The following AFF3 variants were observed in gnomAD, a reference collection of about 807,000 sequenced individuals.
AFF3 encodes the protein ALF transcription elongation factor 3.
AFF3 carries 32 observed loss-of-function variants against 129.7 expected under a neutral mutation model. That is an observed-to-expected ratio of 0.25 (90% CI 0.19 to 0.33). The LOEUF (loss-of-function observed/expected upper bound fraction) is 0.33. Among genes scored for constraint, AFF3 ranks in the 10% least tolerant of loss-of-function variants. The probability of loss-of-function intolerance (pLI) is 1.00; values close to 1 mark genes in which losing one functional copy is unlikely to be tolerated. For missense variants in AFF3, 1,373 were observed against 1,592.0 expected (o/e 0.86, Z 2.34); for synonymous variants, 644 against 635.4 (o/e 1.01, Z -0.20).
At chr2:99,878,552 G>A (rs1692469443) in intron 7 of AFF3, among the ~76,000 whole-genome samples, 1 of 152,118 alleles carries the variant, frequency 6.6e-6, no homozygotes. Context: ...AAAATTTCAG[G>A]TTTCTGCCAG....
At position 99,647,521 on chromosome 2, in the gene AFF3, C is replaced by T. The variant is rs187488747; in HGVS notation, c.1184+2105G>A. Reference sequence around the variant, plus strand: ...GGAGGGATAACATCAAGAAGAACAGCTAATAGATGCTGGGCTTAATACCTA... The same window carrying T: ...GGAGGGATAACATCAAGAAGAACAGTTAATAGATGCTGGGCTTAATACCTA... On this transcript the variant is annotated intron_variant, in intron 13 of 24. Transcript: ENST00000672756. 2.3e-3 allele frequency among the ~76,000 whole-genome samples: 348 copies of T among 152,230 alleles called. 1 individual carries two copies. Among genetic ancestry groups the T allele is most frequent in the Non-Finnish European group, 3.6e-3 (246 of 68,010 alleles).
chr2:99,586,649 C>T (rs896717279), intron 16 of AFF3, among the ~76,000 whole-genome samples: 9 of 152,136 alleles, frequency 5.9e-5, no homozygotes, highest in Non-Finnish European at 1.3e-4. Flanking sequence ...GTGCTGGATG[C>T]GTCCATCTGG....
At chr2:100,117,153 T>TTATCTAAGTTTGATAGCTTCA (rs1409864907) in intron 2 of AFF3, among the ~76,000 whole-genome samples, 13 of 152,316 alleles carry the variant, frequency 8.5e-5, no homozygotes, top group African/African-American at 3.1e-4. Flanking sequence ...ATAGGGCTTC[T>TTATCTAAGTTTGATAGCTTCA]TATCTAAGTT....
intron 22 of AFF3, among the ~76,000 whole-genome samples, chr2:99,555,220 C>T (rs550985991): frequency 8.5e-5 from 13 of 152,228 alleles, no homozygotes; most frequent in African/African-American, 2.9e-4. Flanking sequence ...CTTACTTTTT[C>T]ATTGTAAATT....
At chr2:99,853,637 T>C (rs909187198) in intron 7 of AFF3, among the ~76,000 whole-genome samples, 1 of 152,210 alleles carries the variant, frequency 6.6e-6, no homozygotes, top group Non-Finnish European at 1.5e-5. Context: ...GCTGTTATTA[T>C]CTACATTTTC....
rs975575541 is a variant in AFF3 at position 99,551,203 on chromosome 2, C to T, written c.*271G>A. ...GTGTGTACTTCCTCTAGTCAGAAAC[C>T]TCTGATCACTTTGTCTAGCCTGGGA... On this transcript the variant is annotated 3_prime_UTR_variant, in exon 25 of 25. Coordinates refer to ENST00000672756, the MANE Select transcript of AFF3 (RefSeq NM_001386135.1). The T allele has an allele frequency of 3.7e-6, 2 of 543,418 alleles. No homozygotes were observed. Among genetic ancestry groups the T allele is most frequent in the African/African-American group, 1.9e-5 (1 of 53,232 alleles). 33.7% of individuals were successfully genotyped at this position (543,418 alleles called of 1,614,324 possible). A position where few individuals can be genotyped will look rare whatever the true frequency, so the allele number is the denominator to read the frequency against.
intron 8 of AFF3, among the ~76,000 whole-genome samples, chr2:99,803,327 G>T (rs77634987): frequency 0.026 from 3,916 of 152,176 alleles, 78 homozygotes; most frequent in South Asian, 0.037. Context: ...GTTGGATTCT[G>T]TTTGGTAGTA....
chr2:100,136,573 G>C (rs1032277990), intron 1 of AFF3, among the ~76,000 whole-genome samples: 6 of 152,202 alleles, frequency 3.9e-5, no homozygotes, highest in African/African-American at 1.4e-4. Flanking sequence ...GGGAGTGTGT[G>C]TGCACTTTCA....
intron 12 of AFF3, among the ~76,000 whole-genome samples, chr2:99,657,815 T>C (rs180905345): frequency 4.3e-4 from 65 of 152,354 alleles, no homozygotes; most frequent in South Asian, 2.9e-3. Flanking sequence ...GGGTTGACCA[T>C]ACCAGATGAA....
At chr2:99,834,884 G>A (rs546805938) in intron 8 of AFF3, among the ~76,000 whole-genome samples, 129 of 152,058 alleles carry the variant, frequency 8.5e-4, no homozygotes, top group African/African-American at 3.0e-3. Context: ...CTATTTCTAC[G>A]GTGTTATTAC....
At chr2:99,885,764 G>A (rs527555158) in intron 7 of AFF3, among the ~76,000 whole-genome samples, 1 of 152,202 alleles carries the variant, frequency 6.6e-6, no homozygotes, top group South Asian at 2.1e-4. Context: ...CATACTCTTG[G>A]TTGGCAGAGA....
intron 4 of AFF3, among the ~76,000 whole-genome samples, chr2:100,029,738 T>C (rs1163694368): frequency 1.3e-5 from 2 of 152,284 alleles, no homozygotes; most frequent in African/African-American, 2.4e-5. Context: ...TGCACAACAA[T>C]ATGAATGTGC....
Position 99,593,401 on chromosome 2 carries a change from G to A in AFF3, c.2260C>T (p.Leu754Phe). 1 of 1,614,022 alleles carries A rather than the reference G, an allele frequency of 6.2e-7. No individual in the cohort carries two copies. Among genetic ancestry groups the A allele is most frequent in the Non-Finnish European group, 8.5e-7 (1 of 1,180,016 alleles). Residue 754 changes from leucine to phenylalanine, a missense_variant, in exon 15 of 25, where the codon CTC becomes TTC. By Grantham distance (22) the Leu-to-Phe change is conservative (BLOSUM62 0). This residue lies in a region of AFF3 where 466 missense variants were observed against 505.0 expected (regional missense o/e 0.92). Coordinates refer to ENST00000672756, the MANE Select transcript of AFF3 (RefSeq NM_001386135.1). ...TCATCACTGTCCTTTAGAGGGGAGA[G>A]AAGTTCGTTCCGGCCAAAGGGGACC... ...TLVPFGRNEL[L>F]SPLKDSDEIR...
chr2:99,751,721 T>C (rs940112123), intron 9 of AFF3, among the ~76,000 whole-genome samples: 1 of 152,220 alleles, frequency 6.6e-6, no homozygotes, highest in Non-Finnish European at 1.5e-5. Flanking sequence ...ATTTATTTTG[T>C]GGCCAATTTT....
chr2:100,046,885 C>T (rs928151852), intron 4 of AFF3, among the ~76,000 whole-genome samples: 1 of 151,744 alleles, frequency 6.6e-6, no homozygotes, highest in Non-Finnish European at 1.5e-5. Flanking sequence ...AAAGTTCAAC[C>T]GTCTAAACTC....
chr2:99,882,077 C>T (rs1280281405), intron 7 of AFF3, among the ~76,000 whole-genome samples: 3 of 151,710 alleles, frequency 2.0e-5, no homozygotes, highest in Middle Eastern at 6.8e-3. Context: ...CTCTCTCTGT[C>T]TCTCTCTCTC....
intron 7 of AFF3, among the ~76,000 whole-genome samples, chr2:99,913,040 T>C (rs1695213849): frequency 6.6e-6 from 1 of 152,170 alleles, no homozygotes; most frequent in South Asian, 2.1e-4. Context: ...AGCCCTTTAC[T>C]GTGTTCTGAT....
At chr2:99,819,145 T>G (rs539954277) in intron 8 of AFF3, among the ~76,000 whole-genome samples, 1 of 152,358 alleles carries the variant, frequency 6.6e-6, no homozygotes, top group Admixed American at 6.5e-5. Flanking sequence ...TGGCTTTCAT[T>G]TTTATTCCAA....
At chr2:100,141,869 C>T (rs905357904) in intron 1 of AFF3, among the ~76,000 whole-genome samples, 1 of 151,996 alleles carries the variant, frequency 6.6e-6, no homozygotes, top group Non-Finnish European at 1.5e-5. Flanking sequence ...CATACACAGA[C>T]ACACACACAC....
Sources: gnomAD v4.1 joint callset for allele counts (sites outside exome capture counted in the v4.1 genomes callset) on GRCh38, gnomAD v4.1.1 for gene constraint, gnomAD v4.1.1 regional missense constraint, MANE v1.5 for transcripts, NCBI Gene and HGNC (gene_info 2026-07-23, HGNC 2026-07-21) for gene names.